ARPC2: variants seen among roughly 807,000 people sequenced by gnomAD.
The protein encoded by ARPC2 is actin related protein 2/3 complex subunit 2, also known as actin-related protein 2/3 complex subunit 2.
Under a neutral mutation model 38.6 loss-of-function variants are expected in ARPC2, and 4 were observed. That is an observed-to-expected ratio of 0.10 (90% CI 0.05 to 0.24). The LOEUF (loss-of-function observed/expected upper bound fraction) is 0.24. ARPC2 is among the 10% of genes least tolerant of loss of function. The pLI is 1.00. For synonymous variants in ARPC2, 125 were observed against 140.8 expected (o/e 0.89, Z 0.79); for missense variants, 229 against 387.3 (o/e 0.59, Z 3.43).
At chr2:218,219,580 C>T (rs1689338387) in intron 2 of ARPC2, among the ~76,000 whole-genome samples, 1 of 152,104 alleles carries the variant, frequency 6.6e-6, no homozygotes, top group Non-Finnish European at 1.5e-5. Context: ...AAACTCCTGG[C>T]CTCAAGTGAC....
At chr2:218,253,000 A>G in intron 10 of ARPC2, 1 of 456,960 alleles carries the variant, frequency 2.2e-6, no homozygotes, top group African/African-American at 2.0e-5. Flanking sequence ...AAACAGCTGC[A>G]TCCACCCTGA....
Position 218,221,239 on chromosome 2 carries a change from G to C in ARPC2, c.74+3695G>C, listed in dbSNP as rs150540718. 2.2e-4 allele frequency among the ~76,000 whole-genome samples: 33 copies of C among 152,332 alleles called. 1 individual carries two copies. The East Asian group carries it at 6.4e-3, about 29-fold the overall frequency. ...CGGGGAGCTGTGGTTCCATGGGGGGGAGTGAAACTCAGTAAGCAAGCAGTG... is the reference window on the plus strand; with the variant it reads ...CGGGGAGCTGTGGTTCCATGGGGGGCAGTGAAACTCAGTAAGCAAGCAGTG... On this transcript the variant is annotated intron_variant, in intron 2 of 10. Coordinates refer to ENST00000315717, the MANE Select transcript of ARPC2 (RefSeq NM_152862.3).
At chr2:218,221,147 C>A (rs181871028) in intron 2 of ARPC2, among the ~76,000 whole-genome samples, 29 of 152,284 alleles carry the variant, frequency 1.9e-4, no homozygotes, top group Admixed American at 1.4e-3. Context: ...TGAGGAAATT[C>A]TGTCAGATGC....
chr2:218,249,291 A>G, intron 8 of ARPC2, 73 bp from the exon 9 acceptor site: 2 of 991,442 alleles, frequency 2.0e-6, no homozygotes, highest in South Asian at 2.8e-5. Flanking sequence ...GATGTTCACT[A>G]GGCTGTTGTT....
chr2:218,234,805 C>G, intron 5 of ARPC2: 1 of 459,996 alleles, frequency 2.2e-6, no homozygotes. Context: ...CCACACTATT[C>G]TTGTGATTTC....
At chr2:218,237,603 G>C (rs1689804888) in intron 5 of ARPC2, among the ~76,000 whole-genome samples, 2 of 149,932 alleles carry the variant, frequency 1.3e-5, no homozygotes, top group African/African-American at 4.9e-5. Context: ...TTTGGAGCTG[G>C]AGTCTCGCTC....
intron 5 of ARPC2, among the ~76,000 whole-genome samples, chr2:218,237,199 CT>C (rs1268437343): frequency 1.3e-5 from 2 of 152,016 alleles, no homozygotes; most frequent in Middle Eastern, 3.4e-3. Flanking sequence ...GCTCCTTTTT[CT>C]TTTTTTCTTT....
At chr2:218,217,829 G>C (rs1689290518) in intron 2 of ARPC2, among the ~76,000 whole-genome samples, 1 of 152,216 alleles carries the variant, frequency 6.6e-6, no homozygotes, top group Non-Finnish European at 1.5e-5. Flanking sequence ...CCTGGAGCCG[G>C]AACTCGCTCC....
At chr2:218,218,086 A>T (rs553501836) in intron 2 of ARPC2, among the ~76,000 whole-genome samples, 1 of 152,178 alleles carries the variant, frequency 6.6e-6, no homozygotes, top group South Asian at 2.1e-4. Flanking sequence ...TTAGAGCCGG[A>T]AAAACGCGAT....
intron 3 of ARPC2, chr2:218,226,899 C>A: frequency 2.5e-6 from 1 of 397,726 alleles, no homozygotes; most frequent in South Asian, 1.7e-5. Flanking sequence ...AGTAGGGAAA[C>A]ATGAACAGCT....
At chr2:218,222,608 T>C (rs192588391) in intron 2 of ARPC2, among the ~76,000 whole-genome samples, 2 of 152,298 alleles carry the variant, frequency 1.3e-5, no homozygotes, top group African/African-American at 4.8e-5. Context: ...TTCCTTGTAC[T>C]GCTAACCAAT....
chr2:218,231,515 G>A (rs900263539), intron 4 of ARPC2, among the ~76,000 whole-genome samples: 2 of 152,126 alleles, frequency 1.3e-5, no homozygotes, highest in Non-Finnish European at 2.9e-5. Context: ...CTCAGAGGTC[G>A]CATGCTGTTT....
At chr2:218,231,591 A>C (rs375595965) in intron 4 of ARPC2, among the ~76,000 whole-genome samples, 1 of 152,156 alleles carries the variant, frequency 6.6e-6, no homozygotes, top group Non-Finnish European at 1.5e-5. Context: ...CTGAAGGTCA[A>C]GTCTCTCTGT....
chr2:218,233,828 A>T (rs1336137036), intron 4 of ARPC2: 1 of 152,536 alleles, frequency 6.6e-6, no homozygotes, highest in Non-Finnish European at 1.5e-5. Flanking sequence ...AACAGAGAAC[A>T]TATTAAGGGT....
intron 10 of ARPC2, among the ~76,000 whole-genome samples, 154 bp downstream of exon 10, chr2:218,250,075 G>A (rs1574596415): frequency 6.6e-6 from 1 of 152,236 alleles, no homozygotes; most frequent in South Asian, 2.1e-4. Flanking sequence ...GGGATTCCAT[G>A]TTCTCACTGC....
chr2:218,218,869 G>T (rs933373448), intron 2 of ARPC2, among the ~76,000 whole-genome samples: 2 of 152,158 alleles, frequency 1.3e-5, no homozygotes, highest in Non-Finnish European at 2.9e-5. Context: ...ACTGTTTCCT[G>T]CCAGGGGCTG....
intron 4 of ARPC2, among the ~76,000 whole-genome samples, chr2:218,230,703 C>T (rs1215448444): frequency 6.6e-6 from 1 of 152,116 alleles, no homozygotes; most frequent in African/African-American, 2.4e-5. Flanking sequence ...ACAGTCTTCA[C>T]TAGGTGCAAG....
Position 218,225,887 on chromosome 2 carries a change from A to G in ARPC2, c.75-33A>G, listed in dbSNP as rs55707257. On this transcript the variant is annotated intron_variant, in intron 2 of 10. Transcript: ENST00000315717. ...TTTGAAGGTAAGCAGCAATACAGTCATCTTAACTGAGGACCTTTTTTGTTG... is the reference window on the plus strand; with the variant it reads ...TTTGAAGGTAAGCAGCAATACAGTCGTCTTAACTGAGGACCTTTTTTGTTG... The G allele has an allele frequency of 1.6e-3, 2,601 of 1,611,660 alleles. 4 individuals are homozygous for G. Among genetic ancestry groups the G allele is most frequent in the Non-Finnish European group, 2.0e-3 (2,367 of 1,177,968 alleles).
chr2:218,248,330 C>A (rs1238767130), intron 8 of ARPC2, among the ~76,000 whole-genome samples: 2 of 152,210 alleles, frequency 1.3e-5, no homozygotes, highest in South Asian at 2.1e-4. Flanking sequence ...TTCATTTCAA[C>A]GAAAACTTCA....
Sources: gnomAD v4.1 joint callset for allele counts (sites outside exome capture counted in the v4.1 genomes callset) on GRCh38, gnomAD v4.1.1 for gene constraint, MANE v1.5 for transcripts, NCBI Gene and HGNC (gene_info 2026-07-23, HGNC 2026-07-21) for gene names.